Variants in ERFE observed in about 807,000 individuals in gnomAD.
ERFE encodes the protein erythroferrone, also known as complement C1q tumor necrosis factor-related protein 15.
A neutral mutation model predicts 26.6 loss-of-function variants in ERFE; 25 were observed. The ratio of observed to expected loss-of-function variants is 0.94; its 90% CI spans 0.69 to 1.31. The LOEUF is 1.31. Ranked by LOEUF, ERFE falls within the 40% of genes most tolerant of loss-of-function variation. The probability of loss-of-function intolerance (pLI) is 0.00; values close to 1 mark genes in which losing one functional copy is unlikely to be tolerated. For missense variants in ERFE, 447 were observed against 440.2 expected, an observed-to-expected ratio of 1.02 and a Z score of -0.14; for synonymous variants, 206 against 204.5, an observed-to-expected ratio of 1.01 and a Z score of -0.06.
At chr2:238,162,070 C>T (rs546845530) in intron 2 of ERFE, among the ~76,000 whole-genome samples, 20 of 152,342 alleles carry the variant, frequency 1.3e-4, no homozygotes, top group South Asian at 1.2e-3. Context: ...TCCCTCTCAC[C>T]CTCACTCAGC....
rs1244157639 is a variant in ERFE at position 238,167,136 on chromosome 2, G to A, written c.*82G>A. ...TGTGGACAGTGTCAGAGTAGCAGTG[G>A]CCACATGGAGGAGGAGGCCCACCCG... On this transcript the variant is annotated 3_prime_UTR_variant, in exon 8 of 8. Transcript: ENST00000546354. 1.4e-6 allele frequency: 2 copies of A among 1,398,930 alleles called. No individual in the cohort carries two copies. The highest frequency in any genetic ancestry group is 9.8e-7 in the Non-Finnish European group (1 of 1,017,822). 86.7% of individuals were successfully genotyped at this position (1,398,930 alleles called of 1,614,324 possible). A position where few individuals can be genotyped will look rare whatever the true frequency, so the allele number is the denominator to read the frequency against.
chr2:238,163,776 G>A lies in ERFE; in HGVS notation c.464G>A (p.Cys155Tyr). 1 of 1,364,748 alleles carries A rather than the reference G, an allele frequency of 7.3e-7. No individual in the cohort carries two copies. Among genetic ancestry groups the A allele is most frequent in the Non-Finnish European group, 9.4e-7 (1 of 1,063,464 alleles). 84.5% of individuals were successfully genotyped at this position (1,364,748 alleles called of 1,614,324 possible). The change falls in exon 4 of 8, where the codon TGT becomes TAT. Residue 155 changes from cysteine (C) to tyrosine (Y), a missense_variant. Cys to Tyr is a radical substitution (Grantham distance 194). Transcript: ENST00000546354. The part of the protein sequence containing the change: ...RQRERAEPEP[C>Y]TCGPAGPVAA... ...CGGGAGCGCGCGGAGCCCGAACCCT[G>A]TACGTGTGGCCCCGCCGGGCCGGTC...
rs1453031736 is a variant in ERFE at position 238,167,354 on chromosome 2, C to G, written c.*300C>G. On this transcript the variant is annotated 3_prime_UTR_variant, in exon 8 of 8. Transcript: ENST00000546354. The stretch of plus-strand genomic sequence containing the variant: ...GTCTCCAGCTGCAGGCCGACTCTTT[C>G]CTGGCCTGCTCAGCACCTGCCCAGA... 2 of 636,784 alleles carry G rather than the reference C, an allele frequency of 3.1e-6. No individual in the cohort carries two copies. Among genetic ancestry groups the G allele is most frequent in the South Asian group, 3.0e-5 (2 of 66,218 alleles). 39.4% of individuals were successfully genotyped at this position (636,784 alleles called of 1,614,324 possible). A position where few individuals can be genotyped will look rare whatever the true frequency, so the allele number is the denominator to read the frequency against.
At chr2:238,166,103 C>T (rs1032640359) in intron 7 of ERFE, among the ~76,000 whole-genome samples, 3 of 152,224 alleles carry the variant, frequency 2.0e-5, no homozygotes, top group Non-Finnish European at 4.4e-5. Context: ...AAGCCAGATA[C>T]GTTATTTTCC....
Position 238,165,835 on chromosome 2 carries a change from A to C in ERFE, c.966+151A>C, listed in dbSNP as rs151041640. On this transcript the variant is annotated intron_variant, in intron 7 of 7. Transcript: ENST00000546354. ...CCTGGGAGAGGGTCCAGGACATGCC[A>C]AGTTCTCACTTTGGTCTGGGCGCAG... 4.9e-4 allele frequency among the ~76,000 whole-genome samples: 75 copies of C among 152,328 alleles called. 1 individual carries two copies. The East Asian group carries it at 0.014, about 29-fold the overall frequency.
chr2:238,161,421 G>C (rs1324852809), intron 1 of ERFE, among the ~76,000 whole-genome samples, 173 bp from the exon 2 acceptor site: 1 of 152,232 alleles, frequency 6.6e-6, no homozygotes, highest in African/African-American at 2.4e-5. Context: ...GGCCGGGGGA[G>C]AAGCTGTGAG....
Position 238,163,987 on chromosome 2 carries a change from C to T in ERFE, c.675C>T (p.Gly225=). 7.2e-7 allele frequency: 1 copy of T among 1,388,222 alleles called. No homozygotes were observed. The highest frequency in any genetic ancestry group is 9.3e-7 in the Non-Finnish European group (1 of 1,077,842). 86.0% of individuals were successfully genotyped at this position (1,388,222 alleles called of 1,614,324 possible). A position where few individuals can be genotyped will look rare whatever the true frequency, so the allele number is the denominator to read the frequency against. ...LVERRALHEL[G]VYYLPDAEGA... ...AGCGGCGCGCGCTGCACGAGCTTGG[C>T]GTCTACTACCTGGTGAGTGCCGGCG... Residue 225 remains glycine (G), a synonymous_variant, in exon 4 of 8, where the codon GGC becomes GGT. Transcript: ENST00000546354.
At position 238,168,534 on chromosome 2, in the gene ERFE, C is replaced by A; in HGVS notation, c.*1480C>A. 1 of 450,484 alleles carries A rather than the reference C, an allele frequency of 2.2e-6. No individual in the cohort carries two copies. Among genetic ancestry groups the A allele is most frequent in the Non-Finnish European group, 4.6e-6 (1 of 216,640 alleles). 27.9% of individuals were successfully genotyped at this position (450,484 alleles called of 1,614,324 possible). Reference sequence around the variant, plus strand: ...ACCAGGCCCGAATGATCCCCAGGAGCCCAGCTTCCAAACCCCAACATCGAA... The same window carrying A: ...ACCAGGCCCGAATGATCCCCAGGAGACCAGCTTCCAAACCCCAACATCGAA... On this transcript the variant is annotated 3_prime_UTR_variant, in exon 8 of 8. Coordinates refer to ENST00000546354, the MANE Select transcript of ERFE (RefSeq NM_001291832.2).
intron 1 of ERFE, among the ~76,000 whole-genome samples, chr2:238,159,827 G>A (rs1010400905): frequency 6.6e-6 from 1 of 152,158 alleles, no homozygotes; most frequent in Non-Finnish European, 1.5e-5. Flanking sequence ...CTTCAGAGGA[G>A]CCCTCAGTGT....
chr2:238,164,710 C>T (rs1018952199), intron 6 of ERFE: 10 of 269,684 alleles, frequency 3.7e-5, no homozygotes, highest in East Asian at 2.6e-4. Flanking sequence ...AAAAATTACC[C>T]GGGCGTGGTG....
At position 238,164,206 on chromosome 2, in the gene ERFE, A is replaced by ATCGCCCGCTCTG. The variant is rs1324776952; in HGVS notation, c.796+30_796+41dup. ...TGGGTGAGGCCCGGGGCGTGGGAGG[A>ATCGCCCGCTCTG]TCGCCCGCTCTGTCGCCCACCCCGC... On this transcript the variant is annotated intron_variant, in intron 5 of 7. Transcript: ENST00000546354. The ATCGCCCGCTCTG allele has an allele frequency of 6.3e-6, 9 of 1,430,368 alleles. No individual in the cohort carries two copies. The African/African-American group carries it at 1.4e-4, about 22-fold the overall frequency. The allele number at this position is 1,430,368 out of a possible 1,614,324, so 88.6% of individuals were successfully genotyped here.
At chr2:238,166,731 C>T (rs1159186739) in intron 7 of ERFE, among the ~76,000 whole-genome samples, 1 of 152,258 alleles carries the variant, frequency 6.6e-6, no homozygotes, top group Non-Finnish European at 1.5e-5. Flanking sequence ...CACTCCCACA[C>T]ACGCGAACTG....
At chr2:238,161,791 C>T in intron 2 of ERFE, 75 bp downstream of exon 2, 3 of 1,446,682 alleles carry the variant, frequency 2.1e-6, no homozygotes, top group Non-Finnish European at 1.8e-6. Context: ...CCCACTCCTA[C>T]ATCCTGAACA....
chr2:238,165,176 G>T (rs923311231), intron 6 of ERFE, among the ~76,000 whole-genome samples: 1 of 152,244 alleles, frequency 6.6e-6, no homozygotes, highest in East Asian at 1.9e-4. Flanking sequence ...CCAGAAGGGA[G>T]CCCAGGTACA....
Position 238,163,917 on chromosome 2 carries a change from T to G in ERFE, c.605T>G (p.Val202Gly). The change falls in exon 4 of 8, where the codon GTG (valine) becomes GGG (glycine). Residue 202 changes from valine (V) to glycine (G), a missense_variant. Coordinates refer to ENST00000546354, the MANE Select transcript of ERFE (RefSeq NM_001291832.2). ...GCCCCGGGGCCGCGGGCGCCGCGCG[T>G]GGAGGCCGCTTTCCTCTGCCGCCTG... Reference protein sequence around the residue: ...PLAPGPRAPRVEAAFLCRLRR... With the variant: ...PLAPGPRAPRGEAAFLCRLRR... 7.5e-7 allele frequency: 1 copy of G among 1,327,230 alleles called. No homozygotes were observed. The highest frequency in any genetic ancestry group is 9.5e-7 in the Non-Finnish European group (1 of 1,047,958). 82.2% of individuals were successfully genotyped at this position (1,327,230 alleles called of 1,614,324 possible). A position where few individuals can be genotyped will look rare whatever the true frequency, so the allele number is the denominator to read the frequency against.
chr2:238,159,361 C>G (rs979322596), intron 1 of ERFE, among the ~76,000 whole-genome samples, 156 bp downstream of exon 1: 5 of 152,076 alleles, frequency 3.3e-5, no homozygotes, highest in East Asian at 2.0e-4. Flanking sequence ...GACTCAGGGC[C>G]GTGTAGACGC....
intron 6 of ERFE, among the ~76,000 whole-genome samples, chr2:238,165,050 C>T (rs1001015721): frequency 1.3e-5 from 2 of 152,230 alleles, no homozygotes; most frequent in South Asian, 2.1e-4. Context: ...GAGGCCCCCT[C>T]CTCAGTCGCC....
chr2:238,166,904 C>A (rs1693045217), intron 7 of ERFE, 52 bp from the exon 8 acceptor site: 1 of 1,480,732 alleles, frequency 6.8e-7, no homozygotes, highest in Non-Finnish European at 9.2e-7. Flanking sequence ...CCTTGGGTCA[C>A]CTCTGCAGGC....
Position 238,168,647 on chromosome 2 carries a change from C to T in ERFE, c.*1593C>T. The T allele has an allele frequency of 5.6e-6, 2 of 358,614 alleles. No homozygotes were observed. Among genetic ancestry groups the T allele is most frequent in the Middle Eastern group, 7.7e-4 (2 of 2,592 alleles). 22.2% of individuals were successfully genotyped at this position (358,614 alleles called of 1,614,324 possible). ...GCCTGGTGCGATTCTCAGTAGGACT[C>T]ACACCCACCCTACCTAGAAGTACTG... is the stretch of plus-strand genomic sequence containing the variant. On this transcript the variant is annotated 3_prime_UTR_variant, in exon 8 of 8. Coordinates refer to ENST00000546354, the MANE Select transcript of ERFE (RefSeq NM_001291832.2).
Sources: gnomAD v4.1 joint callset for allele counts (sites outside exome capture counted in the v4.1 genomes callset) on GRCh38, gnomAD v4.1.1 for gene constraint, MANE v1.5 for transcripts, NCBI Gene and HGNC (gene_info 2026-07-23, HGNC 2026-07-21) for gene names.